Variants in CFAP91 observed in about 807,000 individuals in gnomAD.
The protein encoded by CFAP91 is cilia and flagella associated protein 91, also known as cilia- and flagella-associated protein 91.
A neutral mutation model predicts 95.9 loss-of-function variants in CFAP91; 85 were observed. That is an observed-to-expected ratio of 0.89 (90% CI 0.74 to 1.06). CFAP91 has a LOEUF of 1.06. Among genes scored for constraint, CFAP91 ranks in the 50% least tolerant of loss-of-function variants. CFAP91 has a pLI of 0.00. For missense variants in CFAP91, 962 were observed against 943.4 expected (o/e 1.02, Z -0.26); for synonymous variants, 335 against 327.5 (o/e 1.02, Z -0.25).
rs200247170 is a variant in CFAP91 at position 119,709,888 on chromosome 3, G to C, written c.493G>C (p.Val165Leu). ...QQMPFNVVYA[V>L]SKAEPYTFPP... Reference sequence around the variant, plus strand: ...GATGCCATTCAATGTTGTTTATGCCGTATCCAAGTAAGTAACCATTATTTG... The same window carrying C: ...GATGCCATTCAATGTTGTTTATGCCCTATCCAAGTAAGTAACCATTATTTG... The change falls in exon 5 of 18, where the codon GTA (valine) becomes CTA (leucine). Residue 165 changes from valine (V) to leucine (L), a missense_variant. Coordinates refer to ENST00000273390, the MANE Select transcript of CFAP91 (RefSeq NM_033364.4). 1 of 1,605,780 alleles carries C rather than the reference G, an allele frequency of 6.2e-7. No individual in the cohort carries two copies. Among genetic ancestry groups the C allele is most frequent in the Non-Finnish European group, 8.5e-7 (1 of 1,173,132 alleles).
intron 3 of CFAP91, 149 bp downstream of exon 3, chr3:119,707,710 T>G (rs911484126): frequency 8.3e-6 from 3 of 361,050 alleles, no homozygotes; most frequent in Non-Finnish European, 1.4e-5. Flanking sequence ...CAAACAAACC[T>G]GATTATATAT....
Position 119,739,307 on chromosome 3 carries a change from G to A in CFAP91, c.1514G>A (p.Gly505Asp). 1.2e-6 allele frequency: 2 copies of A among 1,614,088 alleles called. No individual in the cohort carries two copies. The highest frequency in any genetic ancestry group is 1.7e-6 in the Non-Finnish European group (2 of 1,179,976). Residue 505 changes from glycine (G) to aspartate (D), a missense_variant, in exon 12 of 18, where the codon GGC (glycine) becomes GAC (aspartate). Transcript: ENST00000273390. ...AVIYLQKLLR[G>D]RVVQNMMFEG... The stretch of plus-strand genomic sequence containing the variant: ...ATCTACCTTCAAAAGTTACTCCGGG[G>A]CAGAGTCGTTCAGAACATGGTGTGT...
intron 10 of CFAP91, 28 bp downstream of exon 10, chr3:119,733,534 G>A: frequency 6.3e-7 from 1 of 1,599,858 alleles, no homozygotes. Flanking sequence ...AGGACAAAAT[G>A]CTTCTAGTAT....
At chr3:119,749,635 G>A (rs2054288189) in intron 16 of CFAP91, among the ~76,000 whole-genome samples, 1 of 152,158 alleles carries the variant, frequency 6.6e-6, no homozygotes, top group Non-Finnish European at 1.5e-5. Context: ...TTATCTATGG[G>A]CAAGTTGAAT....
At chr3:119,739,497 G>T in intron 12 of CFAP91, 171 bp downstream of exon 12, 1 of 583,426 alleles carries the variant, frequency 1.7e-6, no homozygotes, top group Non-Finnish European at 3.1e-6. Context: ...CCTTCTAATG[G>T]CATCATTTGT....
intron 13 of CFAP91, among the ~76,000 whole-genome samples, chr3:119,742,137 A>G (rs929454605): frequency 6.6e-6 from 1 of 152,204 alleles, no homozygotes; most frequent in African/African-American, 2.4e-5. Flanking sequence ...TTTTCAGCTC[A>G]TTTATTCCAT....
chr3:119,752,552 G>C (rs974375762), intron 17 of CFAP91, among the ~76,000 whole-genome samples: 1 of 152,134 alleles, frequency 6.6e-6, no homozygotes, highest in Non-Finnish European at 1.5e-5. Flanking sequence ...GTAAATTCAA[G>C]GACCAAAGCA....
At position 119,747,912 on chromosome 3, in the gene CFAP91, T is replaced by A; in HGVS notation, c.2143+10T>A. ...TTTGTCAAAGAAAAAGGTAAGCCAA[T>A]GTAAATGCTTTACTTTAGGATTTTT... On this transcript the variant is annotated intron_variant, in intron 16 of 17. Transcript: ENST00000273390. 6.3e-7 allele frequency: 1 copy of A among 1,588,072 alleles called. No homozygotes were observed. The highest frequency in any genetic ancestry group is 8.6e-7 in the Non-Finnish European group (1 of 1,159,298).
chr3:119,721,264 T>C (rs1199145733), intron 6 of CFAP91, among the ~76,000 whole-genome samples: 2 of 152,230 alleles, frequency 1.3e-5, no homozygotes, highest in Non-Finnish European at 2.9e-5. Context: ...CAGGAAAAAG[T>C]ATTTTATAGC....
At position 119,730,316 on chromosome 3, in the gene CFAP91, G is replaced by T; in HGVS notation, c.957G>T (p.Trp319Cys). 3 of 1,614,190 alleles carry T rather than the reference G, an allele frequency of 1.9e-6. No individual in the cohort carries two copies. Among genetic ancestry groups the T allele is most frequent in the Non-Finnish European group, 2.5e-6 (3 of 1,180,032 alleles). Residue 319 changes from tryptophan (W) to cysteine (C), a missense_variant, in exon 8 of 18, where the codon TGG becomes TGT. Transcript: ENST00000273390. ...EVNMKHLNARWSKLQEGKEAK... is the reference protein window; with the variant it reads ...EVNMKHLNARCSKLQEGKEAK... ...ATATGAAGCACTTGAATGCCCGGTG[G>T]TCTAAACTGCAGGAGGGAAAAGAGG...
intron 6 of CFAP91, among the ~76,000 whole-genome samples, chr3:119,721,270 A>G (rs933750853): frequency 5.3e-5 from 8 of 152,250 alleles, no homozygotes; most frequent in Middle Eastern, 3.2e-3. Flanking sequence ...AAAGTATTTT[A>G]TAGCATGCAG....
chr3:119,736,429 G>T (rs185988879), intron 10 of CFAP91, among the ~76,000 whole-genome samples: 1 of 151,470 alleles, frequency 6.6e-6, no homozygotes, highest in East Asian at 1.9e-4. Context: ...CCACCACCAC[G>T]CCTGGCTAAT....
intron 13 of CFAP91, among the ~76,000 whole-genome samples, chr3:119,742,398 G>A (rs534022867): frequency 1.6e-4 from 25 of 152,210 alleles, no homozygotes; most frequent in Admixed American, 1.6e-3. Context: ...CCCCAATTAC[G>A]TAACACAGTA....
chr3:119,717,640 C>T (rs2053603012), intron 6 of CFAP91, among the ~76,000 whole-genome samples: 1 of 145,026 alleles, frequency 6.9e-6, no homozygotes, highest in African/African-American at 2.5e-5. Context: ...GGATTCCATA[C>T]TGTAATGCAG....
At position 119,766,100 on chromosome 3, in the gene CFAP91, TGAAAA is replaced by T. The variant is rs1205215732; in HGVS notation, c.*1052_*1056del. On this transcript the variant is annotated 3_prime_UTR_variant, in exon 18 of 18. Coordinates refer to ENST00000273390, the MANE Select transcript of CFAP91 (RefSeq NM_033364.4). ...AATTTACACATTCATTTGGATGCAG[TGAAAA>T]GGGCAGAAATACCACAGCAGAGAAT... 2.0e-5 allele frequency: 3 copies of T among 152,080 alleles called. No individual in the cohort carries two copies. The highest frequency in any genetic ancestry group is 4.4e-5 in the Non-Finnish European group (3 of 68,016). 9.4% of individuals were successfully genotyped at this position (152,080 alleles called of 1,614,324 possible).
chr3:119,732,623 C>T lies in CFAP91; in HGVS notation c.1201+147C>T, dbSNP rs975042143. On this transcript the variant is annotated intron_variant, in intron 9 of 17. Coordinates refer to ENST00000273390, the MANE Select transcript of CFAP91 (RefSeq NM_033364.4). ...TGATGATACAAACCAATAAAAACTACTAAGACCCAAATAAATAAATGGACA... is the reference window on the plus strand; with the variant it reads ...TGATGATACAAACCAATAAAAACTATTAAGACCCAAATAAATAAATGGACA... The T allele has an allele frequency of 2.1e-5, 13 of 605,210 alleles. No individual in the cohort carries two copies. In the African/African-American group the frequency reaches 2.5e-4, roughly 12 times the overall value. 37.5% of individuals were successfully genotyped at this position (605,210 alleles called of 1,614,324 possible). A position where few individuals can be genotyped will look rare whatever the true frequency, so the allele number is the denominator to read the frequency against.
rs974436624 is a variant in CFAP91 at position 119,765,415 on chromosome 3, C to T, written c.*365C>T. 1 of 152,168 alleles carries T rather than the reference C, an allele frequency of 6.6e-6. No individual in the cohort carries two copies. Among genetic ancestry groups the T allele is most frequent in the Non-Finnish European group, 1.5e-5 (1 of 68,024 alleles). 9.4% of individuals were successfully genotyped at this position (152,168 alleles called of 1,614,324 possible). A position where few individuals can be genotyped will look rare whatever the true frequency, so the allele number is the denominator to read the frequency against. On this transcript the variant is annotated 3_prime_UTR_variant, in exon 18 of 18. Transcript: ENST00000273390. ...ACTATTCACAGGACATTGGCATTAT[C>T]TACTAAGGCTGAAAATGTGCATATT...
chr3:119,707,511 A>G lies in CFAP91; in HGVS notation c.309A>G (p.Glu103=), dbSNP rs770789640. ...CTGTCCCACCATTTATCAGTCGGGA[A>G]TGGAAGGGACATAAGGAGAAACACA... ...SDPVPPFISR[E]WKGHKEKHRE... is the part of the protein sequence containing the mutation. Residue 103 remains glutamate (E), a synonymous_variant, in exon 3 of 18, where the codon GAA becomes GAG. Transcript: ENST00000273390. 16 of 1,600,554 alleles carry G rather than the reference A, an allele frequency of 1.0e-5. No individual in the cohort carries two copies. The highest frequency in any genetic ancestry group is 1.4e-5 in the Non-Finnish European group (16 of 1,170,662).
intron 9 of CFAP91, among the ~76,000 whole-genome samples, 164 bp from the exon 10 acceptor site, chr3:119,733,200 A>G (rs1014782175): frequency 4.6e-5 from 7 of 152,250 alleles, no homozygotes; most frequent in African/African-American, 1.4e-4. Flanking sequence ...TTATATGGAA[A>G]TGTGCTATTA....
Sources: allele counts gnomAD v4.1 joint callset (sites outside exome capture counted in the v4.1 genomes callset), GRCh38; gene constraint gnomAD v4.1.1; transcripts MANE v1.5; gene names NCBI Gene and HGNC (gene_info 2026-07-23, HGNC 2026-07-21).